The following CWC27 variants were observed in gnomAD, a reference collection of about 807,000 sequenced individuals.
CWC27 encodes the protein spliceosome-associated protein CWC27 homolog.
CWC27 carries 47 observed loss-of-function variants against 63.6 expected under a neutral mutation model. That is an observed-to-expected ratio of 0.74 (90% CI 0.58 to 0.94). The LOEUF (loss-of-function observed/expected upper bound fraction) is 0.94. Ranked by LOEUF, CWC27 falls within the 40% of genes least tolerant of loss-of-function variation. The pLI, the probability that CWC27 is intolerant of heterozygous loss-of-function variation, is 0.00. For synonymous variants in CWC27, 175 were observed against 179.8 expected, an observed-to-expected ratio of 0.97 and a Z score of 0.22; for missense variants, 495 against 554.3, an observed-to-expected ratio of 0.89 and a Z score of 1.07.
At chr5:64,921,625 G>A (rs1748000522) in intron 11 of CWC27, among the ~76,000 whole-genome samples, 1 of 152,112 alleles carries the variant, frequency 6.6e-6, no homozygotes, top group Non-Finnish European at 1.5e-5. Flanking sequence ...GCCAATCTGT[G>A]CCTTTTGAGT....
chr5:64,784,851 C>T (rs1417975955), intron 4 of CWC27, among the ~76,000 whole-genome samples: 5 of 152,186 alleles, frequency 3.3e-5, no homozygotes, highest in Non-Finnish European at 7.4e-5. Context: ...CACAGCCTGT[C>T]TGATGTTTAT....
chr5:65,003,985 C>T (rs1346996550), intron 13 of CWC27, among the ~76,000 whole-genome samples: 1 of 152,050 alleles, frequency 6.6e-6, no homozygotes, highest in Admixed American at 6.6e-5. Context: ...GCTGGGGTTA[C>T]AGGCACCCAC....
chr5:64,835,688 T>C (rs568466503), intron 10 of CWC27, among the ~76,000 whole-genome samples: 2 of 152,002 alleles, frequency 1.3e-5, no homozygotes, highest in African/African-American at 4.8e-5. Flanking sequence ...TCAGTCTCTT[T>C]TAACAATGTA....
chr5:64,784,122 T>C (rs1186636454), intron 4 of CWC27, 143 bp downstream of exon 4: 2 of 737,676 alleles, frequency 2.7e-6, no homozygotes, highest in African/African-American at 3.7e-5. Context: ...TTTTCAAAAA[T>C]GATGGAATAT....
chr5:64,908,983 G>T (rs879430788), intron 11 of CWC27, among the ~76,000 whole-genome samples: 2 of 152,078 alleles, frequency 1.3e-5, no homozygotes, highest in Non-Finnish European at 2.9e-5. Context: ...TAGCATCGAT[G>T]GTCTTTACAA....
At chr5:64,822,723 A>AT (rs1745239679) in intron 10 of CWC27, among the ~76,000 whole-genome samples, 2 of 152,168 alleles carry the variant, frequency 1.3e-5, no homozygotes, top group Non-Finnish European at 2.9e-5. Flanking sequence ...TAATAGATTA[A>AT]TTTTTTTAAA....
At chr5:64,922,894 C>G (rs887749013) in intron 11 of CWC27, among the ~76,000 whole-genome samples, 2 of 152,194 alleles carry the variant, frequency 1.3e-5, no homozygotes, top group Admixed American at 6.5e-5. Context: ...GGCGCGGGCT[C>G]AGCTTCACAC....
At chr5:64,874,154 C>CTTTTTTTTTT (rs748768571) in intron 10 of CWC27, among the ~76,000 whole-genome samples, 1 of 48,774 alleles carries the variant, frequency 2.1e-5, no homozygotes, top group Non-Finnish European at 3.5e-5. Context: ...ATTGTTGATG[C>CTTTTTTTTTT]TTTTTTTTTT....
chr5:64,804,430 A>G (rs753231367), intron 10 of CWC27, 44 bp downstream of exon 10: 6 of 1,509,296 alleles, frequency 4.0e-6, no homozygotes, highest in South Asian at 2.7e-5. Flanking sequence ...TTGTCTTTTT[A>G]TATTTCACTT....
intron 13 of CWC27, among the ~76,000 whole-genome samples, chr5:65,007,001 AG>A (rs1749856587): frequency 6.6e-6 from 1 of 151,392 alleles, no homozygotes; most frequent in Non-Finnish European, 1.5e-5. Context: ...AAAGAAAGAA[AG>A]AAAGAAAGAA....
intron 11 of CWC27, among the ~76,000 whole-genome samples, chr5:64,914,101 T>C (rs1157251095): frequency 2.6e-5 from 4 of 152,102 alleles, no homozygotes; most frequent in African/African-American, 9.7e-5. Context: ...AATTAGAGGA[T>C]AATTAATTTG....
chr5:64,989,967 G>GA lies in CWC27; in HGVS notation c.1256+12740dup, dbSNP rs937813010. ...AAGGTATTTGGCTCAGTTAATCTGAGAAAAAAAAAAAGCAATACTGGTAGT... is the reference window on the plus strand; with the variant it reads ...AAGGTATTTGGCTCAGTTAATCTGAGAAAAAAAAAAAAGCAATACTGGTAGT... On this transcript the variant is annotated intron_variant, in intron 13 of 13. Transcript: ENST00000381070. Among the ~76,000 whole-genome samples, 188 of 143,446 alleles carry GA rather than the reference G, an allele frequency of 1.3e-3. No individual in the cohort carries two copies. In the East Asian group the frequency reaches 0.022, roughly 17 times the overall value. The allele number at this position is 143,446 out of a possible 152,430, so 94.1% of individuals were successfully genotyped here. A position where few individuals can be genotyped will look rare whatever the true frequency, so the allele number is the denominator to read the frequency against.
rs1197435206 is a variant in CWC27, at chr5:64,912,553, G to GA, written c.1042+27016dup. ...AATAAAAACAAAACTTAGTGCAGTA[G>GA]AAAAAAAAATGCATGTAGTGTAGGA... On this transcript the variant is annotated intron_variant, in intron 11 of 13. Transcript: ENST00000381070. Among the ~76,000 whole-genome samples, 184 of 150,326 alleles carry GA rather than the reference G, an allele frequency of 1.2e-3. 3 individuals carry two copies. Among genetic ancestry groups the GA allele is most frequent in the African/African-American group, 4.4e-3 (179 of 41,030 alleles).
rs562669234 is a variant in CWC27 at position 64,786,361 on chromosome 5, C to T, written c.496-163C>T. Among the ~76,000 whole-genome samples the T allele has an allele frequency of 2.6e-5, 4 of 151,942 alleles. No homozygotes were observed. The South Asian group carries it at 8.3e-4, about 32-fold the overall frequency. ...GATTATTGAGAGAATCCAGTGAGGC[C>T]GTGTAAGTGGAAGCATGTTGTGTAG... On this transcript the variant is annotated intron_variant, in intron 5 of 13. Transcript: ENST00000381070.
chr5:64,864,970 G>A (rs536771519), intron 10 of CWC27, among the ~76,000 whole-genome samples: 101 of 152,062 alleles, frequency 6.6e-4, no homozygotes, highest in Non-Finnish European at 1.2e-3. Context: ...ATGTTGTGCA[G>A]TAGATCTCAA....
At chr5:64,785,738 A>T (rs1482795282) in intron 5 of CWC27, among the ~76,000 whole-genome samples, 159 bp downstream of exon 5, 1 of 152,172 alleles carries the variant, frequency 6.6e-6, no homozygotes, top group Non-Finnish European at 1.5e-5. Context: ...CTAGTTAAGA[A>T]TTTTTTTAAT....
intron 11 of CWC27, among the ~76,000 whole-genome samples, chr5:64,908,808 GC>G: frequency 6.6e-6 from 1 of 152,272 alleles, no homozygotes; most frequent in East Asian, 1.9e-4. Flanking sequence ...CCTAAATAGA[GC>G]ACACTGATGG....
chr5:64,810,241 T>C lies in CWC27; in HGVS notation c.938+5855T>C, dbSNP rs139728949. 8.7e-4 allele frequency among the ~76,000 whole-genome samples: 133 copies of C among 152,270 alleles called. 1 individual carries two copies. The Middle Eastern group carries it at 0.034, about 39-fold the overall frequency. On this transcript the variant is annotated intron_variant, in intron 10 of 13. Transcript: ENST00000381070. ...TTTATTTCTATACTTCCTATCCTGT[T>C]TCATTGGTTGAGGTGTCTGTTTTTA...
chr5:64,863,526 ACT>A (rs1482565039), intron 10 of CWC27, among the ~76,000 whole-genome samples: 1 of 148,754 alleles, frequency 6.7e-6, no homozygotes, highest in Non-Finnish European at 1.5e-5. Context: ...ACAGGATATC[ACT>A]CTGTTTCCCA....
Sources: allele counts gnomAD v4.1 joint callset (sites outside exome capture counted in the v4.1 genomes callset), GRCh38; gene constraint gnomAD v4.1.1; transcripts MANE v1.5; gene names NCBI Gene and HGNC (gene_info 2026-07-23, HGNC 2026-07-21).